The following HS6ST3 variants were observed in gnomAD, a reference collection of about 807,000 sequenced individuals.
The protein encoded by HS6ST3 is heparan sulfate 6-O-sulfotransferase 3, also known as heparan-sulfate 6-O-sulfotransferase 3.
A neutral mutation model predicts 36.7 loss-of-function variants in HS6ST3; 12 were observed. The observed-to-expected ratio is 0.33, with a 90% CI of 0.21 to 0.53. The LOEUF (loss-of-function observed/expected upper bound fraction) is 0.53, where lower values mean the gene tolerates loss of function less well. HS6ST3 is among the 20% of genes least tolerant of loss of function. The probability of loss-of-function intolerance (pLI) is 0.95; values close to 1 mark genes in which losing one functional copy is unlikely to be tolerated. For synonymous variants in HS6ST3, 240 were observed against 257.5 expected (o/e 0.93, Z 0.65); for missense variants, 584 against 640.9 (o/e 0.91, Z 0.96).
chr13:96,813,539 G>A (rs1377367430), intron 1 of HS6ST3, among the ~76,000 whole-genome samples: 1 of 152,142 alleles, frequency 6.6e-6, no homozygotes, highest in East Asian at 1.9e-4. Flanking sequence ...CTATCACGCA[G>A]CAATATATTG....
intron 1 of HS6ST3, among the ~76,000 whole-genome samples, chr13:96,813,999 T>A (rs914185565): frequency 3.3e-5 from 5 of 152,210 alleles, no homozygotes; most frequent in Non-Finnish European, 5.9e-5. Context: ...TCTATGACTC[T>A]TTCATTATTA....
intron 1 of HS6ST3, among the ~76,000 whole-genome samples, chr13:96,177,055 C>A (rs2054215755): frequency 6.6e-6 from 1 of 152,094 alleles, no homozygotes; most frequent in Non-Finnish European, 1.5e-5. Flanking sequence ...AAATGCAAAT[C>A]AAAACCACAA....
chr13:96,143,304 T>C (rs1417372313), intron 1 of HS6ST3, among the ~76,000 whole-genome samples: 1 of 151,750 alleles, frequency 6.6e-6, no homozygotes, highest in African/African-American at 2.4e-5. Flanking sequence ...AGTGACACAG[T>C]AATGTCTCTT....
intron 1 of HS6ST3, among the ~76,000 whole-genome samples, chr13:96,708,304 T>A (rs1484024474): frequency 2.0e-5 from 3 of 152,098 alleles, no homozygotes; most frequent in Non-Finnish European, 4.4e-5. Context: ...CTGAAAAACA[T>A]GAGATCATAT....
chr13:96,726,319 G>T (rs375492990), intron 1 of HS6ST3, among the ~76,000 whole-genome samples: 2 of 152,124 alleles, frequency 1.3e-5, no homozygotes, highest in East Asian at 1.9e-4. Context: ...AATTTGTGGA[G>T]AATTGAAATT....
chr13:96,739,713 T>C (rs986832964), intron 1 of HS6ST3, among the ~76,000 whole-genome samples: 3 of 152,172 alleles, frequency 2.0e-5, no homozygotes, highest in African/African-American at 7.2e-5. Context: ...TTTTTAATGG[T>C]CACGCCACTC....
intron 1 of HS6ST3, among the ~76,000 whole-genome samples, chr13:96,684,272 A>G (rs1263951855): frequency 6.6e-6 from 1 of 151,984 alleles, no homozygotes; most frequent in Non-Finnish European, 1.5e-5. Flanking sequence ...TTCTACATGC[A>G]TGTTCCAAAA....
Position 96,574,520 on chromosome 13 carries a change from G to T in HS6ST3, c.708-257970G>T. Reference sequence around the variant, plus strand: ...CATTACTCCTGACACATGGCTGCATGACCAGTCCCACTCCCCTGTGGGCAC... The same window carrying T: ...CATTACTCCTGACACATGGCTGCATTACCAGTCCCACTCCCCTGTGGGCAC... On this transcript the variant is annotated intron_variant, in intron 1 of 1. Transcript: ENST00000376705. 7 of 393,424 alleles carry T rather than the reference G, an allele frequency of 1.8e-5. No individual in the cohort carries two copies. The South Asian group carries it at 2.6e-4, about 15-fold the overall frequency. The allele number at this position is 393,424 out of a possible 1,614,324, so 24.4% of individuals were successfully genotyped here.
chr13:96,391,203 C>A (rs145201160), intron 1 of HS6ST3, among the ~76,000 whole-genome samples: 235 of 152,232 alleles, frequency 1.5e-3, no homozygotes, highest in African/African-American at 5.4e-3. Context: ...TCATTTGTTA[C>A]ATTTTGCTCT....
chr13:96,403,272 A>G (rs868426215), intron 1 of HS6ST3, among the ~76,000 whole-genome samples: 1 of 152,214 alleles, frequency 6.6e-6, no homozygotes, highest in African/African-American at 2.4e-5. Context: ...GAGTACTTAC[A>G]TAACAATGAA....
chr13:96,554,994 T>G (rs777208476), intron 1 of HS6ST3, among the ~76,000 whole-genome samples: 1 of 151,966 alleles, frequency 6.6e-6, no homozygotes, highest in Non-Finnish European at 1.5e-5. Context: ...GTGGGAGAAT[T>G]GCTTGAGCCC....
chr13:96,588,161 G>A (rs2138973530), intron 1 of HS6ST3, among the ~76,000 whole-genome samples: 1 of 148,660 alleles, frequency 6.7e-6, no homozygotes, highest in East Asian at 2.0e-4. Context: ...TATTGTGTGT[G>A]TGTAGAGTCT....
intron 1 of HS6ST3, among the ~76,000 whole-genome samples, chr13:96,285,718 CTT>C (rs1158754903): frequency 6.6e-6 from 1 of 152,134 alleles, no homozygotes; most frequent in Admixed American, 6.5e-5. Flanking sequence ...GGAAGAGAAA[CTT>C]ATCTCAAATT....
intron 1 of HS6ST3, among the ~76,000 whole-genome samples, chr13:96,207,206 C>CATTCT (rs2054375012): frequency 6.6e-6 from 1 of 152,090 alleles, no homozygotes; most frequent in Admixed American, 6.6e-5. Flanking sequence ...CGAAAAAAAG[C>CATTCT]TCCATATCAC....
chr13:96,138,954 T>C (rs909174805), intron 1 of HS6ST3, among the ~76,000 whole-genome samples: 8 of 152,240 alleles, frequency 5.3e-5, no homozygotes, highest in Middle Eastern at 3.4e-3. Context: ...TTATTTAATT[T>C]ATACTATTTT....
intron 1 of HS6ST3, among the ~76,000 whole-genome samples, chr13:96,541,147 C>T (rs1057059045): frequency 5.3e-5 from 8 of 152,180 alleles, no homozygotes; most frequent in Non-Finnish European, 7.3e-5. Context: ...ATTCTCCTGC[C>T]TCAGCCTCCC....
At chr13:96,295,919 T>C (rs1369268049) in intron 1 of HS6ST3, among the ~76,000 whole-genome samples, 1 of 152,054 alleles carries the variant, frequency 6.6e-6, no homozygotes, top group African/African-American at 2.4e-5. Flanking sequence ...CTTTGCTTCG[T>C]TGGGAGACAT....
chr13:96,748,553 GC>G (rs1211646063), intron 1 of HS6ST3, among the ~76,000 whole-genome samples: 6 of 152,094 alleles, frequency 3.9e-5, no homozygotes. Context: ...TCAGAACTGT[GC>G]TGGTTTGCAA....
intron 1 of HS6ST3, among the ~76,000 whole-genome samples, chr13:96,707,304 A>T (rs2138457831): frequency 6.6e-6 from 1 of 152,252 alleles, no homozygotes; most frequent in East Asian, 1.9e-4. Context: ...TGTAAATTGG[A>T]AAGAGGCCTC....
Sources: allele counts gnomAD v4.1 joint callset (sites outside exome capture counted in the v4.1 genomes callset), GRCh38; gene constraint gnomAD v4.1.1; transcripts MANE v1.5; gene names NCBI Gene and HGNC (gene_info 2026-07-23, HGNC 2026-07-21).